Variants in MB21D2 observed in about 807,000 individuals in gnomAD.
MB21D2 encodes the protein nucleotidyltransferase MB21D2.
In MB21D2, 9 loss-of-function variants were observed where a neutral mutation model predicts 33.3. That is an observed-to-expected ratio of 0.27 (90% CI 0.16 to 0.47). The LOEUF is 0.47. Ranked by LOEUF, MB21D2 falls within the 20% of genes least tolerant of loss-of-function variation. MB21D2 has a pLI of 0.99. For synonymous variants in MB21D2, 241 were observed against 236.3 expected (o/e 1.02, Z -0.18); for missense variants, 540 against 624.6 (o/e 0.86, Z 1.44).
intron 1 of MB21D2, among the ~76,000 whole-genome samples, chr3:192,814,657 T>C (rs1711874729): frequency 6.6e-6 from 1 of 151,900 alleles, no homozygotes; most frequent in Non-Finnish European, 1.5e-5. Context: ...GGTCAGGAGA[T>C]CGAGACCATC....
At chr3:192,891,044 A>AG (rs1366760087) in intron 1 of MB21D2, among the ~76,000 whole-genome samples, 1 of 152,172 alleles carries the variant, frequency 6.6e-6, no homozygotes, top group Non-Finnish European at 1.5e-5. Context: ...AATACCACGC[A>AG]GGGGGAGACT....
chr3:192,898,743 C>T (rs1020249178), intron 1 of MB21D2, among the ~76,000 whole-genome samples: 2 of 152,306 alleles, frequency 1.3e-5, no homozygotes, highest in South Asian at 2.1e-4. Flanking sequence ...CAAACAATTG[C>T]AAATTCATAA....
At chr3:192,815,597 G>C (rs1415763629) in intron 1 of MB21D2, among the ~76,000 whole-genome samples, 2 of 150,840 alleles carry the variant, frequency 1.3e-5, no homozygotes, top group East Asian at 3.9e-4. Flanking sequence ...AATTCTCTAA[G>C]ATCTTGAAGA....
chr3:192,888,156 G>A (rs1436034476), intron 1 of MB21D2, among the ~76,000 whole-genome samples: 1 of 152,004 alleles, frequency 6.6e-6, no homozygotes, highest in Non-Finnish European at 1.5e-5. Flanking sequence ...CTCTAAAATG[G>A]AGAGCATCAT....
intron 1 of MB21D2, among the ~76,000 whole-genome samples, chr3:192,908,263 C>A (rs1714254286): frequency 6.6e-6 from 1 of 152,112 alleles, no homozygotes; most frequent in Non-Finnish European, 1.5e-5. Context: ...TTAGTGAGCA[C>A]CTACTATGTG....
intron 1 of MB21D2, among the ~76,000 whole-genome samples, chr3:192,881,553 G>A (rs574086330): frequency 1.8e-4 from 27 of 152,248 alleles, no homozygotes; most frequent in Non-Finnish European, 2.9e-4. Context: ...TGACCGCTAC[G>A]AAGTTTGAGC....
At chr3:192,911,886 A>G (rs1023688517) in intron 1 of MB21D2, among the ~76,000 whole-genome samples, 2 of 152,208 alleles carry the variant, frequency 1.3e-5, no homozygotes, top group Non-Finnish European at 2.9e-5. Flanking sequence ...TGTGCACTCT[A>G]CAGATGCAGC....
At chr3:192,802,080 G>C (rs1051810396) in intron 1 of MB21D2, among the ~76,000 whole-genome samples, 4 of 152,190 alleles carry the variant, frequency 2.6e-5, no homozygotes, top group African/African-American at 7.2e-5. Context: ...AGGACTTCCA[G>C]CTGCTTAAAT....
intron 1 of MB21D2, among the ~76,000 whole-genome samples, chr3:192,883,543 G>A (rs1415920664): frequency 6.6e-6 from 1 of 152,090 alleles, no homozygotes; most frequent in East Asian, 1.9e-4. Flanking sequence ...TAGGTTTTCT[G>A]TTTATTGCCA....
intron 1 of MB21D2, among the ~76,000 whole-genome samples, chr3:192,868,342 A>G (rs1033072664): frequency 6.6e-6 from 1 of 152,222 alleles, no homozygotes; most frequent in Non-Finnish European, 1.5e-5. Context: ...AAGCAAGTGG[A>G]GCAGAGGGGA....
chr3:192,830,659 C>T (rs1236256419), intron 1 of MB21D2, among the ~76,000 whole-genome samples: 14 of 152,208 alleles, frequency 9.2e-5, no homozygotes, highest in Admixed American at 9.2e-4. Context: ...GTTTTGGTTG[C>T]AGTGCAACCC....
At position 192,813,886 on chromosome 3, in the gene MB21D2, C is replaced by T. The variant is rs544677685; in HGVS notation, c.212-14236G>A. Among the ~76,000 whole-genome samples the T allele has an allele frequency of 8.8e-4, 134 of 152,256 alleles. 1 individual carries two copies. Among genetic ancestry groups the T allele is most frequent in the Admixed American group, 2.4e-3 (37 of 15,302 alleles). On this transcript the variant is annotated intron_variant, in intron 1 of 1. Coordinates refer to ENST00000392452, the MANE Select transcript of MB21D2 (RefSeq NM_178496.4). ...GGTTATAGCCAGACTGCCTGGGTTA[C>T]TGATAAGATTCCCTTCTTTCCTTAC...
At chr3:192,898,691 CATT>C (rs1243136253) in intron 1 of MB21D2, among the ~76,000 whole-genome samples, 5 of 152,230 alleles carry the variant, frequency 3.3e-5, no homozygotes, top group Admixed American at 6.5e-5. Flanking sequence ...AAAAGGCCAT[CATT>C]GAGTTTCTAT....
chr3:192,843,116 A>T (rs1375647513), intron 1 of MB21D2, among the ~76,000 whole-genome samples: 51 of 152,202 alleles, frequency 3.4e-4, no homozygotes, highest in Admixed American at 3.3e-3. Context: ...AGTTAAAGCT[A>T]CTAGCTCAGG....
At chr3:192,855,675 T>C (rs1468431275) in intron 1 of MB21D2, among the ~76,000 whole-genome samples, 3 of 152,216 alleles carry the variant, frequency 2.0e-5, no homozygotes, top group African/African-American at 7.2e-5. Context: ...GTCTGTATAC[T>C]CTAGAACCCA....
At chr3:192,879,045 G>C (rs1240779642) in intron 1 of MB21D2, among the ~76,000 whole-genome samples, 2 of 152,144 alleles carry the variant, frequency 1.3e-5, no homozygotes, top group Non-Finnish European at 2.9e-5. Flanking sequence ...AAAAGAAAAA[G>C]ACAGCAAGAG....
chr3:192,878,427 C>A (rs1026310627), intron 1 of MB21D2, among the ~76,000 whole-genome samples: 4 of 152,174 alleles, frequency 2.6e-5, no homozygotes, highest in African/African-American at 9.7e-5. Context: ...TTAGCAATTT[C>A]TATGGTATTA....
intron 1 of MB21D2, among the ~76,000 whole-genome samples, chr3:192,826,562 T>C (rs1258056513): frequency 2.0e-5 from 3 of 152,234 alleles, no homozygotes; most frequent in Admixed American, 6.5e-5. Context: ...TTGTATATCA[T>C]TGTGATTATA....
chr3:192,910,928 A>G (rs1714337982), intron 1 of MB21D2, among the ~76,000 whole-genome samples: 1 of 152,256 alleles, frequency 6.6e-6, no homozygotes, highest in East Asian at 1.9e-4. Context: ...CTCTTACTAT[A>G]TAAAAACTTT....
Sources: gnomAD v4.1 joint callset for allele counts (sites outside exome capture counted in the v4.1 genomes callset) on GRCh38, gnomAD v4.1.1 for gene constraint, MANE v1.5 for transcripts, NCBI Gene and HGNC (gene_info 2026-07-23, HGNC 2026-07-21) for gene names.